Variants in MAP7 observed in about 807,000 individuals in gnomAD.
MAP7 encodes ensconsin.
MAP7 carries 52 observed loss-of-function variants against 94.8 expected under a neutral mutation model. The ratio of observed to expected loss-of-function variants is 0.55; its 90% CI spans 0.44 to 0.69. The LOEUF is 0.69. MAP7 is among the 30% of genes least tolerant of loss of function. The pLI is 0.00. For synonymous variants in MAP7, 350 were observed against 357.0 expected (o/e 0.98, Z 0.22); for missense variants, 940 against 964.6 (o/e 0.97, Z 0.34).
At chr6:136,389,181 C>T (rs922044582) in intron 4 of MAP7, among the ~76,000 whole-genome samples, 173 bp downstream of exon 4, 4 of 152,074 alleles carry the variant, frequency 2.6e-5, no homozygotes, top group Admixed American at 1.3e-4. Flanking sequence ...ATCATCAGCC[C>T]ATTCGCTACC....
In MAP7 at chr6:136,377,663, G is replaced by A. The variant is rs538847149; in HGVS notation, c.751+92C>T. Reference sequence around the variant, plus strand: ...ATTTCCACCGGGGGAAGAGAGAAGCGCATTTTAGGAAAAAGTGAGATGTGA... The same window carrying A: ...ATTTCCACCGGGGGAAGAGAGAAGCACATTTTAGGAAAAAGTGAGATGTGA... On this transcript the variant is annotated intron_variant, in intron 7 of 17. Coordinates refer to ENST00000354570, the MANE Select transcript of MAP7 (RefSeq NM_003980.6). 93 of 917,632 alleles carry A rather than the reference G, an allele frequency of 1.0e-4. No individual in the cohort carries two copies. In the Middle Eastern group the frequency reaches 5.4e-3, roughly 54 times the overall value. 56.8% of individuals were successfully genotyped at this position (917,632 alleles called of 1,614,324 possible).
intron 3 of MAP7, among the ~76,000 whole-genome samples, chr6:136,408,678 T>C (rs1307793609): frequency 6.6e-6 from 1 of 152,210 alleles, no homozygotes; most frequent in Non-Finnish European, 1.5e-5. Flanking sequence ...GTTTGAAAGT[T>C]GGTAAGAGTT....
intron 14 of MAP7, 23 bp from the exon 15 acceptor site, chr6:136,359,900 A>G: frequency 1.2e-6 from 2 of 1,611,756 alleles, no homozygotes; most frequent in Non-Finnish European, 1.7e-6. Context: ...AAAAAAGAGG[A>G]CTTTTAAAAA....
chr6:136,416,026 A>C (rs1014422615), intron 2 of MAP7, among the ~76,000 whole-genome samples: 2 of 152,320 alleles, frequency 1.3e-5, no homozygotes, highest in East Asian at 3.9e-4. Context: ...CATTAATATG[A>C]AAGTCTCTTG....
Position 136,542,937 on chromosome 6 carries a change from T to TA in MAP7, c.67+7404dup, listed in dbSNP as rs1213945879. Among the ~76,000 whole-genome samples, 7 of 152,280 alleles carry TA rather than the reference T, an allele frequency of 4.6e-5. No individual in the cohort carries two copies. The Middle Eastern group carries it at 0.01, about 224-fold the overall frequency. On this transcript the variant is annotated intron_variant, in intron 1 of 17. Transcript: ENST00000354570. ...GAACTTGGTGGAATGGCTAAAGTTT[T>TA]AAAAACAAACAAAACTAACGATACT...
chr6:136,506,885 T>C (rs1821679742), intron 1 of MAP7, among the ~76,000 whole-genome samples: 1 of 152,200 alleles, frequency 6.6e-6, no homozygotes, highest in African/African-American at 2.4e-5. Context: ...CAATCACTCA[T>C]AGACTGCTGA....
intron 1 of MAP7, among the ~76,000 whole-genome samples, chr6:136,447,734 T>G (rs1308846966): frequency 6.6e-6 from 1 of 152,214 alleles, no homozygotes; most frequent in Admixed American, 6.5e-5. Context: ...TGTATCAATA[T>G]CAACTTATCC....
intron 3 of MAP7, among the ~76,000 whole-genome samples, chr6:136,396,007 C>T (rs1348131534): frequency 6.6e-6 from 1 of 152,108 alleles, no homozygotes; most frequent in Non-Finnish European, 1.5e-5. Flanking sequence ...ACGATGCCTC[C>T]AGCTTTGTTC....
At chr6:136,440,661 C>T (rs1359923478) in intron 1 of MAP7, among the ~76,000 whole-genome samples, 1 of 152,038 alleles carries the variant, frequency 6.6e-6, no homozygotes, top group Non-Finnish European at 1.5e-5. Context: ...ATGTTTACTG[C>T]TTTGTAATTT....
intron 7 of MAP7, among the ~76,000 whole-genome samples, chr6:136,375,689 G>A (rs1386349083): frequency 3.3e-5 from 5 of 152,120 alleles, no homozygotes; most frequent in African/African-American, 7.2e-5. Flanking sequence ...AAGCTGTATC[G>A]ATGAAACTGG....
chr6:136,525,741 A>G (rs1163125705), intron 1 of MAP7: 26 of 1,379,896 alleles, frequency 1.9e-5, no homozygotes, highest in Non-Finnish European at 2.5e-5. Context: ...TGGAGCATGC[A>G]CGAGCAGCAC....
intron 1 of MAP7, among the ~76,000 whole-genome samples, chr6:136,459,269 G>C (rs1248011032): frequency 5.9e-5 from 9 of 152,174 alleles, no homozygotes; most frequent in South Asian, 2.1e-4. Flanking sequence ...CAGTGTTGGT[G>C]AGGATATGGA....
intron 7 of MAP7, among the ~76,000 whole-genome samples, chr6:136,373,626 C>T (rs1191149006): frequency 1.3e-5 from 2 of 152,174 alleles, no homozygotes; most frequent in Admixed American, 6.5e-5. Flanking sequence ...ATTTTCAGAT[C>T]TCATTCAGAA....
At chr6:136,456,906 C>A (rs1337114587) in intron 1 of MAP7, among the ~76,000 whole-genome samples, 2 of 142,940 alleles carry the variant, frequency 1.4e-5, no homozygotes, top group Non-Finnish European at 3.1e-5. Context: ...ATTATACCAC[C>A]AAAGAGCAAG....
intron 1 of MAP7, among the ~76,000 whole-genome samples, chr6:136,530,439 G>T (rs1828389410): frequency 6.6e-6 from 1 of 152,288 alleles, no homozygotes; most frequent in African/African-American, 2.4e-5. Flanking sequence ...AAGATAAACT[G>T]AAATTTACTT....
chr6:136,461,573 T>C (rs377165245), intron 1 of MAP7, among the ~76,000 whole-genome samples: 1 of 152,296 alleles, frequency 6.6e-6, no homozygotes. Flanking sequence ...TCAGGCCACA[T>C]GAGTTTATTG....
At chr6:136,547,954 T>C (rs1459486199) in intron 1 of MAP7, among the ~76,000 whole-genome samples, 4 of 151,710 alleles carry the variant, frequency 2.6e-5, no homozygotes, top group Non-Finnish European at 5.9e-5. Flanking sequence ...AAACTAAGAG[T>C]TATTTAAGAG....
At chr6:136,395,771 A>G (rs1782291534) in intron 3 of MAP7, among the ~76,000 whole-genome samples, 1 of 152,174 alleles carries the variant, frequency 6.6e-6, no homozygotes, top group South Asian at 2.1e-4. Context: ...TTTTCTGCAT[A>G]TGGATTATCC....
chr6:136,420,130 A>G (rs1373060480), intron 2 of MAP7: 2 of 872,676 alleles, frequency 2.3e-6, no homozygotes, highest in Non-Finnish European at 3.9e-6. Context: ...ACAATCTTTA[A>G]TCAAAGAAGA....
Sources: allele counts gnomAD v4.1 joint callset (sites outside exome capture counted in the v4.1 genomes callset), GRCh38; gene constraint gnomAD v4.1.1; transcripts MANE v1.5; gene names NCBI Gene and HGNC (gene_info 2026-07-23, HGNC 2026-07-21).